SEMA3E: variants seen among roughly 807,000 people sequenced by gnomAD.
SEMA3E encodes the protein semaphorin 3E.
SEMA3E carries 49 observed loss-of-function variants against 93.6 expected under a neutral mutation model. The ratio of observed to expected loss-of-function variants is 0.52; its 90% CI spans 0.42 to 0.66. The LOEUF is 0.66. Ranked by LOEUF, SEMA3E falls within the 30% of genes least tolerant of loss-of-function variation. SEMA3E has a pLI of 0.00. For synonymous variants in SEMA3E, 363 were observed against 330.7 expected, an observed-to-expected ratio of 1.10 and a Z score of -1.06; for missense variants, 906 against 964.8, an observed-to-expected ratio of 0.94 and a Z score of 0.81.
chr7:83,396,833 C>G (rs1043824089), intron 11 of SEMA3E, 104 bp from the exon 12 acceptor site: 1 of 745,328 alleles, frequency 1.3e-6, no homozygotes, highest in Non-Finnish European at 2.3e-6. Context: ...CCTGTAATCA[C>G]TTTGGGAGGC....
At chr7:83,449,400 T>C (rs1431268387) in intron 4 of SEMA3E, among the ~76,000 whole-genome samples, 1 of 152,026 alleles carries the variant, frequency 6.6e-6, no homozygotes, top group Non-Finnish European at 1.5e-5. Context: ...TCAACTGGCC[T>C]AATTTTTATT....
intron 1 of SEMA3E, among the ~76,000 whole-genome samples, chr7:83,527,514 G>C (rs546879211): frequency 1.3e-5 from 2 of 152,196 alleles, no homozygotes; most frequent in South Asian, 4.1e-4. Context: ...GCCAACTCCT[G>C]CTCAATTATC....
intron 1 of SEMA3E, among the ~76,000 whole-genome samples, chr7:83,645,223 T>C (rs1031799543): frequency 6.6e-6 from 1 of 152,038 alleles, no homozygotes; most frequent in Admixed American, 6.6e-5. Flanking sequence ...ATTCTCTCTT[T>C]CCTTGGTTTC....
At chr7:83,529,307 C>G (rs937320620) in intron 1 of SEMA3E, among the ~76,000 whole-genome samples, 1 of 151,982 alleles carries the variant, frequency 6.6e-6, no homozygotes, top group African/African-American at 2.4e-5. Flanking sequence ...CCTAGTTTGC[C>G]CATGACCTTG....
chr7:83,367,404 T>G lies in SEMA3E; in HGVS notation c.*182A>C. On this transcript the variant is annotated 3_prime_UTR_variant, in exon 17 of 17. Transcript: ENST00000643230. ...TGCATTTATTTAAAAAATTAGTTAA[T>G]TTTATGTAAAGTTTATCCAGTCAAA... 4.7e-6 allele frequency: 3 copies of G among 635,882 alleles called. No individual in the cohort carries two copies. Among genetic ancestry groups the G allele is most frequent in the Non-Finnish European group, 8.1e-6 (3 of 370,858 alleles). The allele number at this position is 635,882 out of a possible 1,614,324, so 39.4% of individuals were successfully genotyped here. A position where few individuals can be genotyped will look rare whatever the true frequency, so the allele number is the denominator to read the frequency against.
chr7:83,531,191 C>A (rs976056123), intron 1 of SEMA3E, among the ~76,000 whole-genome samples: 79 of 151,650 alleles, frequency 5.2e-4, no homozygotes, highest in African/African-American at 1.8e-3. Flanking sequence ...AATTAAGCAT[C>A]TAAAGTTAAT....
intron 1 of SEMA3E, among the ~76,000 whole-genome samples, chr7:83,584,999 C>T (rs995722523): frequency 3.3e-5 from 5 of 152,166 alleles, no homozygotes; most frequent in Non-Finnish European, 5.9e-5. Flanking sequence ...CATCCTCTGG[C>T]CCCTGCCTAG....
chr7:83,611,630 C>T (rs1392030405), intron 1 of SEMA3E, among the ~76,000 whole-genome samples: 2 of 151,632 alleles, frequency 1.3e-5, no homozygotes, highest in East Asian at 3.9e-4. Flanking sequence ...CCTCCCATAT[C>T]CTACAAGAAT....
chr7:83,419,599 T>C (rs1353320311), intron 4 of SEMA3E, among the ~76,000 whole-genome samples: 3 of 152,180 alleles, frequency 2.0e-5, no homozygotes, highest in African/African-American at 7.2e-5. Flanking sequence ...CATCTGTTAT[T>C]TTTGACTTAT....
At chr7:83,639,650 T>C (rs1793959576) in intron 1 of SEMA3E, among the ~76,000 whole-genome samples, 1 of 150,676 alleles carries the variant, frequency 6.6e-6, no homozygotes, top group Non-Finnish European at 1.5e-5. Context: ...CATTCATCTT[T>C]GTGATACATT....
At chr7:83,617,003 G>C (rs1284727354) in intron 1 of SEMA3E, among the ~76,000 whole-genome samples, 1 of 152,078 alleles carries the variant, frequency 6.6e-6, no homozygotes, top group East Asian at 1.9e-4. Flanking sequence ...GGGATTACAG[G>C]CGTAAGCCAC....
chr7:83,476,798 C>T (rs1790020607), intron 2 of SEMA3E, among the ~76,000 whole-genome samples: 1 of 152,156 alleles, frequency 6.6e-6, no homozygotes, highest in Non-Finnish European at 1.5e-5. Context: ...CTGCACAAAA[C>T]ATTTTTAAAG....
At chr7:83,544,502 C>CAATACAATACAATACAATA in intron 1 of SEMA3E, among the ~76,000 whole-genome samples, 1 of 152,110 alleles carries the variant, frequency 6.6e-6, no homozygotes, top group Admixed American at 6.6e-5. Flanking sequence ...GTATTGTGTT[C>CAATACAATACAATACAATA]CAAAATCCCG....
At position 83,639,280 on chromosome 7, in the gene SEMA3E, C is replaced by T. The variant is rs145295916; in HGVS notation, c.115+9148G>A. Among the ~76,000 whole-genome samples, 348 of 152,122 alleles carry T rather than the reference C, an allele frequency of 2.3e-3. 2 individuals are homozygous for T. The highest frequency in any genetic ancestry group is 8.0e-3 in the African/African-American group (334 of 41,506). ...AGTTTCCATCTCCTTTCTGACCCAG[C>T]TCAGAAGCAGAGCAGAAGAAAATTA... is the stretch of plus-strand genomic sequence containing the variant. On this transcript the variant is annotated intron_variant, in intron 1 of 16. Transcript: ENST00000643230.
At chr7:83,442,838 C>A (rs2115789919) in intron 4 of SEMA3E, among the ~76,000 whole-genome samples, 1 of 152,274 alleles carries the variant, frequency 6.6e-6, no homozygotes, top group Admixed American at 6.5e-5. Context: ...AAGCACTGCT[C>A]TGTCAGGTAG....
At chr7:83,605,432 CT>C (rs984270674) in intron 1 of SEMA3E, among the ~76,000 whole-genome samples, 86 of 147,926 alleles carry the variant, frequency 5.8e-4, no homozygotes, top group East Asian at 3.0e-3. Context: ...AATGTCCTCT[CT>C]TTTTTTTTTT....
At chr7:83,439,674 T>G (rs1213591897) in intron 4 of SEMA3E, among the ~76,000 whole-genome samples, 1 of 152,228 alleles carries the variant, frequency 6.6e-6, no homozygotes, top group Non-Finnish European at 1.5e-5. Flanking sequence ...TGAGAAAACT[T>G]GCTCTATGAG....
At chr7:83,436,833 A>G (rs1744567290) in intron 4 of SEMA3E, among the ~76,000 whole-genome samples, 1 of 152,214 alleles carries the variant, frequency 6.6e-6, no homozygotes, top group South Asian at 2.1e-4. Context: ...GGGTGGTTGT[A>G]TTAGTCCGTT....
intron 1 of SEMA3E, among the ~76,000 whole-genome samples, chr7:83,523,936 A>C (rs1791102061): frequency 6.6e-6 from 1 of 152,154 alleles, no homozygotes; most frequent in Non-Finnish European, 1.5e-5. Context: ...CATTTAATAA[A>C]ATATTTCACG....
Sources: allele counts gnomAD v4.1 joint callset (sites outside exome capture counted in the v4.1 genomes callset), GRCh38; gene constraint gnomAD v4.1.1; transcripts MANE v1.5; gene names NCBI Gene and HGNC (gene_info 2026-07-23, HGNC 2026-07-21).